ADORA1: variants seen among roughly 807,000 people sequenced by gnomAD.
ADORA1 encodes adenosine A1 receptor.
Under a neutral mutation model 19.9 loss-of-function variants are expected in ADORA1, and 6 were observed. The ratio of observed to expected loss-of-function variants is 0.30; its 90% CI spans 0.17 to 0.59. The LOEUF is 0.59. Ranked by LOEUF, ADORA1 falls within the 20% of genes least tolerant of loss-of-function variation. The pLI, the probability that ADORA1 is intolerant of heterozygous loss-of-function variation, is 0.87. For missense variants in ADORA1, 302 were observed against 439.2 expected, an observed-to-expected ratio of 0.69 and a Z score of 2.79; for synonymous variants, 194 against 188.4, an observed-to-expected ratio of 1.03 and a Z score of -0.24.
intron 3 of ADORA1, among the ~76,000 whole-genome samples, chr1:203,157,288 T>C (rs1571807035): frequency 6.6e-6 from 1 of 152,354 alleles, no homozygotes; most frequent in Middle Eastern, 3.4e-3. Flanking sequence ...ATAGGATAGG[T>C]TCCCCATTCC....
intron 3 of ADORA1, among the ~76,000 whole-genome samples, chr1:203,152,042 TAGA>T (rs1655054365): frequency 6.6e-6 from 1 of 152,112 alleles, no homozygotes; most frequent in East Asian, 1.9e-4. Context: ...CAGCTCTCTA[TAGA>T]AGATGATTTG....
rs41264023 is a variant in ADORA1 at position 203,165,113 on chromosome 1, G to C, written c.342-148G>C. Reference sequence around the variant, plus strand: ...CTTAGATCCTGAAGACTCAGCCCTCGAGCAAAAGACATGCACCTCCCCACT... The same window carrying C: ...CTTAGATCCTGAAGACTCAGCCCTCCAGCAAAAGACATGCACCTCCCCACT... On this transcript the variant is annotated intron_variant, in intron 3 of 3. Transcript: ENST00000337894. This position sits in a 1 kb window ranked among gnomAD's most constrained non-coding sequence, Gnocchi z 5.9. The C allele has an allele frequency of 5.8e-6, 9 of 1,552,528 alleles. No individual in the cohort carries two copies. The African/African-American group carries it at 8.2e-5, about 14-fold the overall frequency.
intron 3 of ADORA1, among the ~76,000 whole-genome samples, chr1:203,153,347 G>A (rs1033962219): frequency 6.6e-6 from 1 of 152,156 alleles, no homozygotes; most frequent in South Asian, 2.1e-4. Flanking sequence ...CCTTGAATCC[G>A]AAGGACAGAC....
intron 3 of ADORA1, among the ~76,000 whole-genome samples, chr1:203,138,639 A>G (rs1043965573): frequency 1.3e-5 from 2 of 152,152 alleles, no homozygotes; most frequent in Non-Finnish European, 2.9e-5. Context: ...GACAAGGGCA[A>G]TGTCAAAGGA....
At chr1:203,141,070 G>A (rs567548481) in intron 3 of ADORA1, among the ~76,000 whole-genome samples, 12 of 152,232 alleles carry the variant, frequency 7.9e-5, no homozygotes, top group African/African-American at 9.6e-5. Flanking sequence ...CCATTTCAGC[G>A]AATGCAGCTG....
At chr1:203,136,022 T>C (rs538218352) in intron 3 of ADORA1, among the ~76,000 whole-genome samples, 1 of 152,140 alleles carries the variant, frequency 6.6e-6, no homozygotes, top group Admixed American at 6.5e-5. Context: ...GCAGTGTCCC[T>C]GGGAGAGGAC....
chr1:203,156,457 C>G (rs575762397), intron 3 of ADORA1, among the ~76,000 whole-genome samples: 166 of 152,100 alleles, frequency 1.1e-3, no homozygotes, highest in Non-Finnish European at 2.1e-3. Flanking sequence ...GGAGAGTGCC[C>G]CAGGTATGTA....
chr1:203,148,963 C>T (rs1448808126), intron 3 of ADORA1, among the ~76,000 whole-genome samples: 7 of 152,098 alleles, frequency 4.6e-5, no homozygotes, highest in Admixed American at 3.3e-4. Flanking sequence ...CTGCAACCTC[C>T]GCCGCCCGGG....
chr1:203,139,195 C>T (rs1571787944), intron 3 of ADORA1, among the ~76,000 whole-genome samples: 1 of 152,198 alleles, frequency 6.6e-6, no homozygotes. Context: ...GAGAATAAAA[C>T]ACTAGTGATG....
intron 3 of ADORA1, among the ~76,000 whole-genome samples, chr1:203,137,953 T>C (rs1654563122): frequency 6.6e-6 from 1 of 152,242 alleles, no homozygotes; most frequent in Non-Finnish European, 1.5e-5. Context: ...CTTGCCAAGA[T>C]TCATCCCTGT....
Position 203,148,091 on chromosome 1 carries a change from C to T in ADORA1, c.342-17170C>T, listed in dbSNP as rs376851137. 9.2e-5 allele frequency among the ~76,000 whole-genome samples: 14 copies of T among 152,194 alleles called. No homozygotes were observed. The East Asian group carries it at 1.4e-3, about 15-fold the overall frequency. ...AAAATTAGCCAGGCGTGGTGGCGGG[C>T]GCCTGTAGTCCCAGCTACTCGGGAG... On this transcript the variant is annotated intron_variant, in intron 3 of 3. Coordinates refer to ENST00000337894, the MANE Select transcript of ADORA1 (RefSeq NM_000674.3).
In ADORA1 at chr1:203,165,925, C is replaced by A. The variant is rs1339667444; in HGVS notation, c.*25C>A. ...GACCCCGCCTTCCGCTCCCACCAGC[C>A]CACATCCAGTGGGGTCTCAGTCCAG... On this transcript the variant is annotated 3_prime_UTR_variant, in exon 4 of 4. Transcript: ENST00000337894. The surrounding 1 kb of genome is among the most constrained non-coding windows in gnomAD (Gnocchi z 5.9). The A allele has an allele frequency of 6.5e-7, 1 of 1,530,218 alleles. No homozygotes were observed. Among genetic ancestry groups the A allele is most frequent in the Non-Finnish European group, 8.8e-7 (1 of 1,139,320 alleles). 94.8% of individuals were successfully genotyped at this position (1,530,218 alleles called of 1,614,324 possible). A position where few individuals can be genotyped will look rare whatever the true frequency, so the allele number is the denominator to read the frequency against.
At position 203,128,847 on chromosome 1, in the gene ADORA1, G is replaced by A. The variant is rs61731145; in HGVS notation, c.6G>A (p.Pro2=). 8.9e-4 allele frequency: 1,414 copies of A among 1,594,848 alleles called. 15 individuals are homozygous for A. In the African/African-American group the frequency reaches 0.017, roughly 19 times the overall value. Residue 2 remains proline (P), a synonymous_variant, in exon 3 of 4, where the codon CCG becomes CCA. Coordinates refer to ENST00000337894, the MANE Select transcript of ADORA1 (RefSeq NM_000674.3). This position sits in a 1 kb window ranked among gnomAD's most constrained non-coding sequence, Gnocchi z 5.9. M[P]PSISAFQAAY... ...GTGCCCAGCCTGTGCCCGCCATGCC[G>A]CCCTCCATCTCAGCTTTCCAGGCCG... is the stretch of plus-strand genomic sequence containing the variant.
rs746074545 is a variant in ADORA1 at position 203,165,102 on chromosome 1, A to G, written c.342-159A>G. ...AAGCACTAAATCTTAGATCCTGAAG[A>G]CTCAGCCCTCGAGCAAAAGACATGC... On this transcript the variant is annotated intron_variant, in intron 3 of 3. Transcript: ENST00000337894. The surrounding 1 kb of genome is among the most constrained non-coding windows in gnomAD (Gnocchi z 5.9). 155 of 1,551,160 alleles carry G rather than the reference A, an allele frequency of 1.0e-4. No individual in the cohort carries two copies. Among genetic ancestry groups the G allele is most frequent in the Admixed American group, 6.3e-4 (32 of 51,034 alleles).
chr1:203,145,724 A>G (rs926060713), intron 3 of ADORA1, among the ~76,000 whole-genome samples: 1 of 152,160 alleles, frequency 6.6e-6, no homozygotes, highest in Non-Finnish European at 1.5e-5. Context: ...GGGAGAACCA[A>G]TGTGTAGCCA....
At chr1:203,141,562 T>C (rs1420415897) in intron 3 of ADORA1, among the ~76,000 whole-genome samples, 1 of 141,994 alleles carries the variant, frequency 7.0e-6, no homozygotes, top group African/African-American at 2.6e-5. Flanking sequence ...AAAAAGCTCC[T>C]CTAACCTGGA....
intron 3 of ADORA1, among the ~76,000 whole-genome samples, chr1:203,142,270 G>A (rs1272180081): frequency 6.6e-6 from 1 of 152,202 alleles, no homozygotes; most frequent in Non-Finnish European, 1.5e-5. Context: ...GTGGGTTCCG[G>A]TCAGTGGCAA....
intron 3 of ADORA1, among the ~76,000 whole-genome samples, chr1:203,163,367 C>T (rs1655431245): frequency 6.6e-6 from 1 of 152,184 alleles, no homozygotes; most frequent in Admixed American, 6.5e-5. Flanking sequence ...TTTGGGTCTT[C>T]TCACTCCCAG....
rs1026777776 is a variant in ADORA1 at position 203,143,808 on chromosome 1, C to T, written c.341+14626C>T. 3.9e-5 allele frequency among the ~76,000 whole-genome samples: 6 copies of T among 152,262 alleles called. 1 individual carries two copies. The South Asian group carries it at 6.2e-4, about 16-fold the overall frequency. ...GTTCAAGTCAACAAGTGTTTTCTGA[C>T]GGCATAAGTCTGTCCTCAAGGGCAT... On this transcript the variant is annotated intron_variant, in intron 3 of 3. Coordinates refer to ENST00000337894, the MANE Select transcript of ADORA1 (RefSeq NM_000674.3).
Sources: gnomAD v4.1 joint callset for allele counts (sites outside exome capture counted in the v4.1 genomes callset) on GRCh38, gnomAD v4.1.1 for gene constraint, Gnocchi (gnomAD v3.1) non-coding constraint, MANE v1.5 for transcripts, NCBI Gene and HGNC (gene_info 2026-07-23, HGNC 2026-07-21) for gene names.